The following PRKN variants were observed in gnomAD, a reference collection of about 807,000 sequenced individuals.
The protein encoded by PRKN is E3 ubiquitin-protein ligase parkin.
Under a neutral mutation model 59.5 loss-of-function variants are expected in PRKN, and 56 were observed. That is an observed-to-expected ratio of 0.94 (90% CI 0.76 to 1.18). The LOEUF (loss-of-function observed/expected upper bound fraction) is 1.18. Among genes scored for constraint, PRKN ranks in the 50% most tolerant of loss-of-function variants. The probability of loss-of-function intolerance (pLI) is 0.00; values close to 1 mark genes in which losing one functional copy is unlikely to be tolerated. For synonymous variants in PRKN, 250 were observed against 222.1 expected (o/e 1.13, Z -1.12); for missense variants, 657 against 596.4 (o/e 1.10, Z -1.06).
At chr6:162,149,152 T>C (rs1035447930) in intron 4 of PRKN, among the ~76,000 whole-genome samples, 1 of 152,202 alleles carries the variant, frequency 6.6e-6, no homozygotes, top group East Asian at 1.9e-4. Context: ...CAAGGTCGTA[T>C]TAGAGAAGAG....
rs548409067 is a variant in PRKN, at chr6:162,237,811, T to G, written c.412+24714A>C. ...TTTGGTTAAAAAAAAAAAAGTGAGG[T>G]AGGAGGGTGCATTTCATTATCTCTC... On this transcript the variant is annotated intron_variant, in intron 3 of 11. Coordinates refer to ENST00000366898, the MANE Select transcript of PRKN (RefSeq NM_004562.3). 1.3e-3 allele frequency among the ~76,000 whole-genome samples: 196 copies of G among 148,568 alleles called. 1 individual carries two copies. Among genetic ancestry groups the G allele is most frequent in the African/African-American group, 4.4e-3 (178 of 40,578 alleles).
At chr6:162,360,225 C>T (rs16893736) in intron 2 of PRKN, among the ~76,000 whole-genome samples, 32,572 of 152,034 alleles carry the variant, frequency 0.21, 3,710 homozygotes, top group Middle Eastern at 0.27. Context: ...TCTAATAGTG[C>T]AACTTACGGT....
intron 1 of PRKN, among the ~76,000 whole-genome samples, chr6:162,620,335 T>C (rs1475827035): frequency 6.6e-6 from 1 of 152,214 alleles, no homozygotes; most frequent in African/African-American, 2.4e-5. Context: ...TGCCACCTTC[T>C]GGTTATTGTT....
At chr6:162,691,549 A>T (rs1181848887) in intron 1 of PRKN, among the ~76,000 whole-genome samples, 2 of 152,332 alleles carry the variant, frequency 1.3e-5, no homozygotes, top group Admixed American at 6.5e-5. Context: ...TCCAAAGAAA[A>T]AAAAGGTTCT....
chr6:161,516,603 G>A (rs1562499030), intron 9 of PRKN, among the ~76,000 whole-genome samples: 1 of 151,314 alleles, frequency 6.6e-6, no homozygotes, highest in African/African-American at 2.4e-5. Flanking sequence ...CGAGACTGGT[G>A]GATCACCTGA....
chr6:161,777,229 T>A (rs1488157485), intron 7 of PRKN, among the ~76,000 whole-genome samples: 4 of 152,194 alleles, frequency 2.6e-5, no homozygotes, highest in African/African-American at 9.6e-5. Flanking sequence ...AAGCGCTCAT[T>A]AATCATTACT....
At chr6:162,709,640 C>T (rs920133161) in intron 1 of PRKN, among the ~76,000 whole-genome samples, 1 of 152,150 alleles carries the variant, frequency 6.6e-6, no homozygotes, top group South Asian at 2.1e-4. Flanking sequence ...GGTAATAAAA[C>T]GTTTTCTTTC....
rs1210150592 is a variant in PRKN at position 161,566,829 on chromosome 6, A to C, written c.933+2526T>G. ...TGTTTCTGGACTATTATGAATGTTA[A>C]AGCCAGGCACATGATCACATTGGAG... On this transcript the variant is annotated intron_variant, in intron 8 of 11. Transcript: ENST00000366898. This position sits in a 1 kb window ranked among gnomAD's most constrained non-coding sequence, Gnocchi z 4.1. Among the ~76,000 whole-genome samples, 2 of 152,100 alleles carry C rather than the reference A, an allele frequency of 1.3e-5. No individual in the cohort carries two copies. The highest frequency in any genetic ancestry group is 2.9e-5 in the Non-Finnish European group (2 of 68,016).
chr6:161,441,633 A>C (rs1156478333), intron 9 of PRKN, among the ~76,000 whole-genome samples: 1 of 146,312 alleles, frequency 6.8e-6, no homozygotes, highest in East Asian at 2.0e-4. Flanking sequence ...CAACAGAGCA[A>C]GACTCTGTCT....
At chr6:162,110,922 A>G (rs1206767728) in intron 4 of PRKN, among the ~76,000 whole-genome samples, 1 of 152,176 alleles carries the variant, frequency 6.6e-6, no homozygotes, top group Admixed American at 6.5e-5. Context: ...ACATCCCAAA[A>G]AAGGACTGGC....
chr6:161,808,101 C>A (rs1334478535), intron 6 of PRKN, among the ~76,000 whole-genome samples: 2 of 152,076 alleles, frequency 1.3e-5, no homozygotes, highest in Non-Finnish European at 2.9e-5. Flanking sequence ...TAACTTTTAC[C>A]ATTGCATAGC....
intron 6 of PRKN, among the ~76,000 whole-genome samples, chr6:161,910,523 G>A (rs1033256080): frequency 1.3e-5 from 2 of 152,136 alleles, no homozygotes; most frequent in African/African-American, 4.8e-5. Context: ...CCAAAGTGCT[G>A]GGATTACAGG....
intron 2 of PRKN, among the ~76,000 whole-genome samples, chr6:162,402,020 C>A (rs1366644015): frequency 6.6e-6 from 1 of 152,004 alleles, no homozygotes; most frequent in Non-Finnish European, 1.5e-5. Flanking sequence ...GAGGCCAAGG[C>A]AGGAGGATCA....
chr6:162,136,580 G>A lies in PRKN; in HGVS notation c.534+64551C>T, dbSNP rs928187341. Reference sequence around the variant, plus strand: ...TAATTTAATTTCCTAGGCATAAGTTGCCTCATTTCTTAAAATGGGGTCTAT... The same window carrying A: ...TAATTTAATTTCCTAGGCATAAGTTACCTCATTTCTTAAAATGGGGTCTAT... On this transcript the variant is annotated intron_variant, in intron 4 of 11. Transcript: ENST00000366898. Among the ~76,000 whole-genome samples the A allele has an allele frequency of 2.6e-5, 4 of 152,166 alleles. No homozygotes were observed. The East Asian group carries it at 5.8e-4, about 22-fold the overall frequency.
Position 161,502,124 on chromosome 6 carries a change from A to T in PRKN, c.1083+46730T>A, listed in dbSNP as rs1452663749. Reference sequence around the variant, plus strand: ...TGCTTTTTGTGGATCACATGAAGCAACTCTGAAATGCATTATCCTGATCAT... The same window carrying T: ...TGCTTTTTGTGGATCACATGAAGCATCTCTGAAATGCATTATCCTGATCAT... On this transcript the variant is annotated intron_variant, in intron 9 of 11. Transcript: ENST00000366898. This position sits in a 1 kb window ranked among gnomAD's most constrained non-coding sequence, Gnocchi z 4.0. Among the ~76,000 whole-genome samples, 1 of 152,010 alleles carries T rather than the reference A, an allele frequency of 6.6e-6. No individual in the cohort carries two copies. The highest frequency in any genetic ancestry group is 1.5e-5 in the Non-Finnish European group (1 of 68,002).
At chr6:162,179,862 C>T (rs1454768179) in intron 4 of PRKN, among the ~76,000 whole-genome samples, 1 of 151,872 alleles carries the variant, frequency 6.6e-6, no homozygotes. Context: ...AGAGCCTGAA[C>T]GTGTGAAACT....
chr6:162,217,761 A>T (rs1325532529), intron 3 of PRKN, among the ~76,000 whole-genome samples: 2 of 152,214 alleles, frequency 1.3e-5, no homozygotes, highest in African/African-American at 4.8e-5. Flanking sequence ...TGAGAAGCAC[A>T]ATTCCTATTA....
intron 3 of PRKN, among the ~76,000 whole-genome samples, chr6:162,246,652 A>AT (rs1779210578): frequency 6.6e-6 from 1 of 152,080 alleles, no homozygotes; most frequent in South Asian, 2.1e-4. Context: ...CTTTTCTCTC[A>AT]TTTTTCAGTG....
At chr6:162,351,058 C>T (rs1784604123) in intron 2 of PRKN, among the ~76,000 whole-genome samples, 1 of 152,006 alleles carries the variant, frequency 6.6e-6, no homozygotes, top group Non-Finnish European at 1.5e-5. Flanking sequence ...AGCAAGGTGG[C>T]ATGTGCCTGT....
Sources: allele counts gnomAD v4.1 joint callset (sites outside exome capture counted in the v4.1 genomes callset), GRCh38; gene constraint gnomAD v4.1.1; non-coding constraint Gnocchi (gnomAD v3.1); transcripts MANE v1.5; gene names NCBI Gene and HGNC (gene_info 2026-07-23, HGNC 2026-07-21).